The following FOXP2 variants were observed in gnomAD, a reference collection of about 807,000 sequenced individuals.
FOXP2 encodes the protein forkhead box P2.
FOXP2 carries 12 observed loss-of-function variants against 115.8 expected under a neutral mutation model. The ratio of observed to expected loss-of-function variants is 0.10; its 90% CI spans 0.07 to 0.17. The LOEUF (loss-of-function observed/expected upper bound fraction) is 0.17. Among genes scored for constraint, FOXP2 ranks in the 10% least tolerant of loss-of-function variants. FOXP2 has a pLI of 1.00. For synonymous variants in FOXP2, 328 were observed against 297.7 expected (o/e 1.10, Z -1.05); for missense variants, 629 against 843.5 (o/e 0.75, Z 3.15).
chr7:114,380,540 G>A (rs1235466023), intron 2 of FOXP2, among the ~76,000 whole-genome samples: 12 of 152,178 alleles, frequency 7.9e-5, no homozygotes, highest in South Asian at 4.1e-4. Flanking sequence ...TTCAAGTGGC[G>A]TAGTTTTGAG....
intron 2 of FOXP2, among the ~76,000 whole-genome samples, chr7:114,514,147 A>G (rs978903618): frequency 6.6e-6 from 1 of 151,998 alleles, no homozygotes. Context: ...ACTATGCTGT[A>G]TGTATACAAA....
chr7:114,628,278 C>A (rs949484768), intron 3 of FOXP2, among the ~76,000 whole-genome samples: 2 of 151,914 alleles, frequency 1.3e-5, no homozygotes, highest in South Asian at 4.1e-4. Flanking sequence ...ATATTATAGC[C>A]GAAATTCAAA....
chr7:114,117,311 TC>T (rs1791436572), intron 1 of FOXP2, among the ~76,000 whole-genome samples: 1 of 151,860 alleles, frequency 6.6e-6, no homozygotes, highest in East Asian at 1.9e-4. Context: ...AATCTCTGCT[TC>T]CTGGGTTCAA....
chr7:114,372,804 T>C (rs1368292800), intron 2 of FOXP2, among the ~76,000 whole-genome samples: 2 of 152,152 alleles, frequency 1.3e-5, no homozygotes, highest in Admixed American at 6.5e-5. Flanking sequence ...ATAATTGCCA[T>C]ACATTGTAAA....
rs746621983 is a variant in FOXP2, at chr7:114,691,929, C to CAA, written c.*2015_*2016dup. 1.2e-3 allele frequency: 309 copies of CAA among 250,884 alleles called. No homozygotes were observed. Among genetic ancestry groups the CAA allele is most frequent in the East Asian group, 4.0e-3 (36 of 9,078 alleles). The allele number at this position is 250,884 out of a possible 1,614,324, so 15.5% of individuals were successfully genotyped here. On this transcript the variant is annotated 3_prime_UTR_variant, in exon 17 of 17. Coordinates refer to ENST00000350908, the MANE Select transcript of FOXP2 (RefSeq NM_014491.4). Reference sequence around the variant, plus strand: ...GGCTTTCTGAAAGCTTCTACCTCTGCAAAAAAAAAAAAAGAAAAAAAAAAA... The same window carrying CAA: ...GGCTTTCTGAAAGCTTCTACCTCTGCAAAAAAAAAAAAAAAGAAAAAAAAAAA...
At chr7:114,225,496 G>C (rs1429157201) in intron 1 of FOXP2, among the ~76,000 whole-genome samples, 9 of 152,016 alleles carry the variant, frequency 5.9e-5, no homozygotes. Context: ...CCAGGGTGGA[G>C]TGCAGTAGCA....
At chr7:114,292,759 A>G (rs1796639672) in intron 2 of FOXP2, among the ~76,000 whole-genome samples, 2 of 152,180 alleles carry the variant, frequency 1.3e-5, no homozygotes, top group Admixed American at 6.5e-5. Context: ...TTCCCCTGCT[A>G]TCCATAGAGA....
At chr7:114,481,762 C>CTCTATCTA (rs3028214) in intron 2 of FOXP2, among the ~76,000 whole-genome samples, 7,339 of 145,330 alleles carry the variant, frequency 0.05, 206 homozygotes, top group Non-Finnish European at 0.055. Flanking sequence ...CATATGGAAA[C>CTCTATCTA]TCTATCTATC....
At chr7:114,460,039 G>A (rs970854105) in intron 2 of FOXP2, among the ~76,000 whole-genome samples, 5 of 152,116 alleles carry the variant, frequency 3.3e-5, no homozygotes, top group South Asian at 2.1e-4. Flanking sequence ...TCTTCAGAAC[G>A]ATTGTGTAGC....
chr7:114,502,709 G>A (rs1172912019), intron 2 of FOXP2, among the ~76,000 whole-genome samples: 1 of 151,934 alleles, frequency 6.6e-6, no homozygotes, highest in East Asian at 1.9e-4. Context: ...CAATACAGAC[G>A]GTTTTCATCT....
chr7:114,685,824 T>G (rs1808331233), intron 16 of FOXP2, among the ~76,000 whole-genome samples: 1 of 152,204 alleles, frequency 6.6e-6, no homozygotes, highest in South Asian at 2.1e-4. Flanking sequence ...GAATCTCATT[T>G]ACAACTATTC....
intron 1 of FOXP2, among the ~76,000 whole-genome samples, chr7:114,212,602 A>T (rs898850139): frequency 1.7e-4 from 26 of 151,900 alleles, no homozygotes; most frequent in African/African-American, 5.8e-4. Context: ...TCAACTTTCA[A>T]GTGTGTTCCG....
chr7:114,439,864 A>G (rs530096136), intron 2 of FOXP2, among the ~76,000 whole-genome samples: 19 of 152,124 alleles, frequency 1.2e-4, no homozygotes, highest in Non-Finnish European at 2.5e-4. Context: ...ATAAACCACC[A>G]CACCTGGCCT....
intron 4 of FOXP2, chr7:114,629,499 T>G (rs1329747560): frequency 9.1e-7 from 1 of 1,096,184 alleles, no homozygotes; most frequent in Non-Finnish European, 1.3e-6. Context: ...AGCCTAGTTT[T>G]TATGTGTCAG....
rs1357512652 is a variant in FOXP2 at position 114,534,637 on chromosome 7, A to G, written c.189A>G (p.Gln63=). ...TCTAGGCTCTCCAGGCAGCAAGACA[A>G]CTTCTTTTACAGCAGCAAACAAGTG... The part of the protein sequence containing the change: ...QQQQALQAAR[Q]LLLQQQTSGL... The change falls in exon 3 of 17, where the codon CAA becomes CAG. Residue 63 remains glutamine (Q), a synonymous_variant. Coordinates refer to ENST00000350908, the MANE Select transcript of FOXP2 (RefSeq NM_014491.4). 6.2e-7 allele frequency: 1 copy of G among 1,611,878 alleles called. No homozygotes were observed. Among genetic ancestry groups the G allele is most frequent in the Non-Finnish European group, 8.5e-7 (1 of 1,178,520 alleles).
intron 1 of FOXP2, among the ~76,000 whole-genome samples, chr7:114,097,350 T>C (rs977940229): frequency 6.6e-6 from 1 of 152,230 alleles, no homozygotes; most frequent in African/African-American, 2.4e-5. Flanking sequence ...TAGTTTCGTC[T>C]TTTCAAGTCT....
At chr7:114,440,797 C>T (rs1179731100) in intron 2 of FOXP2, among the ~76,000 whole-genome samples, 1 of 152,058 alleles carries the variant, frequency 6.6e-6, no homozygotes, top group Non-Finnish European at 1.5e-5. Flanking sequence ...TACATCAGTA[C>T]TACTTGTGAT....
chr7:114,492,280 C>T (rs550392932), intron 2 of FOXP2, among the ~76,000 whole-genome samples: 1,928 of 151,876 alleles, frequency 0.013, 19 homozygotes, highest in South Asian at 0.043. Flanking sequence ...TTTTTTATTG[C>T]GTGTATTTGA....
intron 8 of FOXP2, among the ~76,000 whole-genome samples, chr7:114,650,092 A>G (rs954862912): frequency 6.6e-4 from 101 of 152,156 alleles, no homozygotes; most frequent in African/African-American, 2.3e-3. Flanking sequence ...ATTGTAGTCT[A>G]CAGTCTCTAT....
Sources: gnomAD v4.1 joint callset for allele counts (sites outside exome capture counted in the v4.1 genomes callset) on GRCh38, gnomAD v4.1.1 for gene constraint, MANE v1.5 for transcripts, NCBI Gene and HGNC (gene_info 2026-07-23, HGNC 2026-07-21) for gene names.